ARHGEF37: variants seen among roughly 807,000 people sequenced by gnomAD.
The protein encoded by ARHGEF37 is Rho guanine nucleotide exchange factor (GEF) 37.
A neutral mutation model predicts 71.1 loss-of-function variants in ARHGEF37; 55 were observed. The ratio of observed to expected loss-of-function variants is 0.77; its 90% confidence interval spans 0.62 to 0.97. The LOEUF (loss-of-function observed/expected upper bound fraction) is 0.97. Ranked by LOEUF, ARHGEF37 falls within the 50% of genes least tolerant of loss-of-function variation. The pLI, the probability that ARHGEF37 is intolerant of heterozygous loss-of-function variation, is 0.00. For missense variants in ARHGEF37, 765 were observed against 836.8 expected, an observed-to-expected ratio of 0.91 and a Z score of 1.06; for synonymous variants, 327 against 350.6, an observed-to-expected ratio of 0.93 and a Z score of 0.75.
intron 9 of ARHGEF37, among the ~76,000 whole-genome samples, chr5:149,623,697 C>T (rs548349979): frequency 1.2e-3 from 190 of 152,292 alleles, no homozygotes; most frequent in Middle Eastern, 3.4e-3. Flanking sequence ...TGCATGTGGC[C>T]TGTCCCTGTG....
At chr5:149,619,787 C>T (rs1462961790) in intron 7 of ARHGEF37, among the ~76,000 whole-genome samples, 2 of 152,130 alleles carry the variant, frequency 1.3e-5, no homozygotes, top group Non-Finnish European at 2.9e-5. Context: ...AACAAACGCA[C>T]TGCTGGGTGC....
chr5:149,621,655 T>G, intron 8 of ARHGEF37, 78 bp from the exon 9 acceptor site: 1 of 1,354,328 alleles, frequency 7.4e-7, no homozygotes. Flanking sequence ...CAGGCCTGCA[T>G]GCTTCCAAAG....
chr5:149,592,392 C>T (rs957418349), intron 1 of ARHGEF37, among the ~76,000 whole-genome samples: 3 of 152,216 alleles, frequency 2.0e-5, no homozygotes, highest in African/African-American at 7.2e-5. Flanking sequence ...TGGAATCACA[C>T]AGTATGTGAC....
chr5:149,621,275 C>T (rs1181853690), intron 8 of ARHGEF37, among the ~76,000 whole-genome samples: 5 of 152,066 alleles, frequency 3.3e-5, no homozygotes, highest in African/African-American at 4.8e-5. Context: ...CCACTGTGGG[C>T]AACATAGACC....
chr5:149,601,272 A>T (rs1451617275), intron 3 of ARHGEF37, 41 bp downstream of exon 3: 13 of 1,592,902 alleles, frequency 8.2e-6, no homozygotes, highest in African/African-American at 1.3e-5. Context: ...TTAGATTCTC[A>T]TGGAACTGTT....
chr5:149,609,789 G>C, intron 4 of ARHGEF37, 94 bp downstream of exon 4: 2 of 1,532,542 alleles, frequency 1.3e-6, no homozygotes, highest in South Asian at 2.4e-5. Context: ...CATTCGTGCT[G>C]CTTCACGAGT....
At chr5:149,598,307 CT>C (rs1763620753) in intron 2 of ARHGEF37, among the ~76,000 whole-genome samples, 2 of 149,978 alleles carry the variant, frequency 1.3e-5, no homozygotes, top group Middle Eastern at 3.2e-3. Flanking sequence ...TCTTCTTCTT[CT>C]TCTTCTTCTT....
intron 1 of ARHGEF37, among the ~76,000 whole-genome samples, chr5:149,585,430 T>C (rs1013294424): frequency 1.3e-5 from 2 of 152,228 alleles, no homozygotes; most frequent in Non-Finnish European, 2.9e-5. Flanking sequence ...AACGATGTAT[T>C]GATACATGCT....
chr5:149,616,516 G>A (rs763241052), intron 4 of ARHGEF37, 51 bp from the exon 5 acceptor site: 2 of 1,534,500 alleles, frequency 1.3e-6, no homozygotes, highest in Non-Finnish European at 1.8e-6. Flanking sequence ...CAGGCCCCCT[G>A]GTCCTCCAGA....
intron 1 of ARHGEF37, among the ~76,000 whole-genome samples, chr5:149,569,083 CT>C (rs1233181032): frequency 2.0e-5 from 3 of 151,570 alleles, no homozygotes; most frequent in East Asian, 1.9e-4. Context: ...TAGTTTGTTT[CT>C]TTTTTTTGTA....
intron 1 of ARHGEF37, among the ~76,000 whole-genome samples, chr5:149,553,312 A>C (rs1358157357): frequency 1.3e-5 from 2 of 152,080 alleles, no homozygotes; most frequent in Non-Finnish European, 2.9e-5. Flanking sequence ...AGGCAGGAGA[A>C]TCGCTTGAAC....
chr5:149,619,132 G>A, intron 7 of ARHGEF37, 90 bp downstream of exon 7: 2 of 1,088,242 alleles, frequency 1.8e-6, no homozygotes, highest in Non-Finnish European at 2.8e-6. Context: ...AGCTGGGAAA[G>A]GCACCAGCCT....
At chr5:149,581,202 T>G (rs1322049976), upstream of ARHGEF37, among the ~76,000 whole-genome samples, 6 of 152,068 alleles carry the variant, frequency 3.9e-5, no homozygotes, top group East Asian at 1.2e-3. Context: ...TCCCACCGGG[T>G]GGCCTAAATG....
At chr5:149,559,481 C>T (rs1762800485) in intron 1 of ARHGEF37, among the ~76,000 whole-genome samples, 1 of 152,184 alleles carries the variant, frequency 6.6e-6, no homozygotes, top group African/African-American at 2.4e-5. Flanking sequence ...ATTGATGGAA[C>T]AACATCTAAC....
At chr5:149,578,702 G>C (rs752812528), upstream of ARHGEF37, among the ~76,000 whole-genome samples, 1 of 152,148 alleles carries the variant, frequency 6.6e-6, no homozygotes, top group African/African-American at 2.4e-5. Flanking sequence ...AAGTGAAAGC[G>C]AACCCTTTTT....
At chr5:149,582,057 C>G (rs181631105) in intron 1 of ARHGEF37, among the ~76,000 whole-genome samples, 15 of 152,254 alleles carry the variant, frequency 9.9e-5, no homozygotes, top group Admixed American at 9.8e-4. Flanking sequence ...AAAAAGAGAA[C>G]AGAAATCCGT....
Position 149,624,055 on chromosome 5 carries a change from T to C in ARHGEF37, c.1379T>C (p.Val460Ala), listed in dbSNP as rs571062071. 2 of 1,609,562 alleles carry C rather than the reference T, an allele frequency of 1.2e-6. No individual in the cohort carries two copies. Among genetic ancestry groups the C allele is most frequent in the Non-Finnish European group, 1.7e-6 (2 of 1,176,282 alleles). ...HVPEPAFRKL[V>A]EDALGRTSNQ... is the part of the protein sequence containing the mutation. ...CCAGAGCCTGCCTTCAGGAAGCTGG[T>C]GGAGGACGCACTGGGCCGGACGAGT... Residue 460 changes from valine to alanine, a missense_variant, in exon 10 of 13, where the codon GTG (valine) becomes GCG (alanine). Transcript: ENST00000333677.
At chr5:149,619,258 C>T (rs1034979909) in intron 7 of ARHGEF37, among the ~76,000 whole-genome samples, 3 of 152,150 alleles carry the variant, frequency 2.0e-5, no homozygotes, top group Non-Finnish European at 2.9e-5. Context: ...GGAGTTCCTA[C>T]CACATAGGGC....
chr5:149,620,173 T>C (rs553071980), intron 7 of ARHGEF37, among the ~76,000 whole-genome samples, 181 bp from the exon 8 acceptor site: 1 of 152,232 alleles, frequency 6.6e-6, no homozygotes, highest in Admixed American at 6.5e-5. Flanking sequence ...GTTGACTCAG[T>C]CTAAGGCGGA....
Sources: gnomAD v4.1 joint callset for allele counts (sites outside exome capture counted in the v4.1 genomes callset) on GRCh38, gnomAD v4.1.1 for gene constraint, MANE v1.5 for transcripts, NCBI Gene and HGNC (gene_info 2026-07-23, HGNC 2026-07-21) for gene names.